FHIP1A: variants seen among roughly 807,000 people sequenced by gnomAD.
FHIP1A encodes the protein FHF complex subunit HOOK interacting protein 1A, also known as FHF complex subunit HOOK-interacting protein 1A.
FHIP1A carries 61 observed loss-of-function variants against 88.6 expected under a neutral mutation model. The ratio of observed to expected loss-of-function variants is 0.69; its 90% CI spans 0.56 to 0.85. The LOEUF (loss-of-function observed/expected upper bound fraction) is 0.85. Among genes scored for constraint, FHIP1A ranks in the 40% least tolerant of loss-of-function variants. The probability of loss-of-function intolerance (pLI) is 0.00; values close to 1 mark genes in which losing one functional copy is unlikely to be tolerated. For missense variants in FHIP1A, 1,154 were observed against 1,273.5 expected (o/e 0.91, Z 1.43); for synonymous variants, 478 against 496.0 (o/e 0.96, Z 0.48).
At chr4:151,437,210 C>T (rs951787450) in intron 1 of FHIP1A, among the ~76,000 whole-genome samples, 4 of 151,704 alleles carry the variant, frequency 2.6e-5, no homozygotes, top group Non-Finnish European at 5.9e-5. Flanking sequence ...ATTAGTAAGC[C>T]ATTCAAAACC....
chr4:151,424,194 A>G (rs1733282143), intron 1 of FHIP1A, among the ~76,000 whole-genome samples: 1 of 152,186 alleles, frequency 6.6e-6, no homozygotes, highest in South Asian at 2.1e-4. Context: ...AATCCCCGGA[A>G]TGGTTCTGGT....
rs541689342 is a variant in FHIP1A, at chr4:151,630,117, C to T, written c.1146+248C>T. Among the ~76,000 whole-genome samples the T allele has an allele frequency of 1.4e-3, 212 of 152,166 alleles. 1 individual carries two copies. The highest frequency in any genetic ancestry group is 4.6e-3 in the African/African-American group (189 of 41,522). On this transcript the variant is annotated intron_variant, in intron 8 of 13. Coordinates refer to ENST00000435205, the MANE Select transcript of FHIP1A (RefSeq NM_001109977.3). ...TTACTGCCTTTCCTAGGACATCTTT[C>T]GCTATTTCTCTGTTTTAGCACTTTC...
At chr4:151,449,560 A>G (rs1728722570) in intron 1 of FHIP1A, among the ~76,000 whole-genome samples, 1 of 152,118 alleles carries the variant, frequency 6.6e-6, no homozygotes, top group Admixed American at 6.6e-5. Context: ...TCTCCTAACT[A>G]TTTTGTAATA....
At chr4:151,658,929 A>G (rs142752129) in intron 13 of FHIP1A, among the ~76,000 whole-genome samples, 41 of 152,284 alleles carry the variant, frequency 2.7e-4, no homozygotes, top group African/African-American at 9.6e-4. Flanking sequence ...CAAGGAGATG[A>G]GTGTACACAC....
At chr4:151,660,286 TGAAGA>T (rs1737406801) in intron 13 of FHIP1A, among the ~76,000 whole-genome samples, 1 of 152,234 alleles carries the variant, frequency 6.6e-6, no homozygotes, top group African/African-American at 2.4e-5. Context: ...CCTTCATTAG[TGAAGA>T]CAGTTCTGAT....
chr4:151,447,673 A>G (rs1277321279), intron 1 of FHIP1A, among the ~76,000 whole-genome samples: 2 of 152,182 alleles, frequency 1.3e-5, no homozygotes, highest in Admixed American at 6.5e-5. Flanking sequence ...ATGTGATTGT[A>G]TTTGAAAATG....
intron 3 of FHIP1A, chr4:151,532,967 C>G (rs901571273): frequency 6.6e-6 from 1 of 152,236 alleles, no homozygotes; most frequent in Non-Finnish European, 1.5e-5. Context: ...TCCCACAACA[C>G]GTGGGAATTC....
chr4:151,438,031 G>A (rs1728265172), intron 1 of FHIP1A, among the ~76,000 whole-genome samples: 1 of 151,900 alleles, frequency 6.6e-6, no homozygotes, highest in Non-Finnish European at 1.5e-5. Context: ...GAAAACCCTG[G>A]GACTGTATTG....
chr4:151,453,341 T>G (rs186947041), intron 1 of FHIP1A, among the ~76,000 whole-genome samples: 51 of 152,270 alleles, frequency 3.3e-4, no homozygotes, highest in Admixed American at 2.4e-3. Context: ...TCATTTGCTA[T>G]TATGATATAA....
At chr4:151,558,425 A>G (rs1560767837) in intron 3 of FHIP1A, among the ~76,000 whole-genome samples, 1 of 151,990 alleles carries the variant, frequency 6.6e-6, no homozygotes, top group Non-Finnish European at 1.5e-5. Flanking sequence ...ATTCCCAGCT[A>G]CTCGGAGGCT....
At chr4:151,553,601 AGACTT>A (rs1424748338) in intron 3 of FHIP1A, among the ~76,000 whole-genome samples, 1 of 152,210 alleles carries the variant, frequency 6.6e-6, no homozygotes, top group African/African-American at 2.4e-5. Context: ...TTGTATAGCT[AGACTT>A]GACTTAACCA....
At chr4:151,421,781 A>G (rs995325195) in intron 1 of FHIP1A, among the ~76,000 whole-genome samples, 8 of 152,038 alleles carry the variant, frequency 5.3e-5, no homozygotes, top group Non-Finnish European at 8.8e-5. Flanking sequence ...CCTTCAAGCC[A>G]TACAACTATC....
rs1442551033 is a variant in FHIP1A, at chr4:151,664,087, C to T, written c.*1333C>T. On this transcript the variant is annotated 3_prime_UTR_variant, in exon 14 of 14. Coordinates refer to ENST00000435205, the MANE Select transcript of FHIP1A (RefSeq NM_001109977.3). ...TTTATGGATATTAAATTCCACTCCC[C>T]TCTATTTTGGGCCCAGTTCTGCAGG... Among the ~76,000 whole-genome samples the T allele has an allele frequency of 1.3e-5, 2 of 152,110 alleles. No homozygotes were observed. Among genetic ancestry groups the T allele is most frequent in the African/African-American group, 2.4e-5 (1 of 41,418 alleles).
At chr4:151,619,401 C>G (rs1735654813) in intron 7 of FHIP1A, among the ~76,000 whole-genome samples, 2 of 152,154 alleles carry the variant, frequency 1.3e-5, no homozygotes, top group African/African-American at 4.8e-5. Flanking sequence ...TGAGTTGTTG[C>G]ATGAGTAAGT....
At chr4:151,584,082 G>C (rs11939356) in intron 5 of FHIP1A, among the ~76,000 whole-genome samples, 39,653 of 151,958 alleles carry the variant, frequency 0.26, 5,817 homozygotes, top group Non-Finnish European at 0.33. Flanking sequence ...ACAGAGAAAT[G>C]TATATTATTT....
chr4:151,629,906 A>C, intron 8 of FHIP1A, 37 bp downstream of exon 8: 3 of 1,507,272 alleles, frequency 2.0e-6, no homozygotes, highest in South Asian at 1.2e-5. Flanking sequence ...CTTACAACTC[A>C]GAACAGATTT....
rs1175478473 is a variant in FHIP1A, at chr4:151,586,662, G to T, written c.754G>T (p.Gly252Cys). The change falls in exon 6 of 14, where the codon GGT becomes TGT. Residue 252 changes from glycine to cysteine, a missense_variant. Gly to Cys is a radical substitution (Grantham distance 159, BLOSUM62 -3). Transcript: ENST00000435205. The part of the protein sequence containing the change: ...FCPVLATGLS[G>C]LYSSLPTKLE... ...ACAGGTACTTGCAACTGGGCTCAGT[G>T]GTCTCTACTCTTCCCTGCCTACAAA... is the stretch of plus-strand genomic sequence containing the variant. The T allele has an allele frequency of 1.9e-6, 3 of 1,549,792 alleles. No individual in the cohort carries two copies. Among genetic ancestry groups the T allele is most frequent in the African/African-American group, 2.7e-5 (2 of 72,982 alleles).
chr4:151,572,562 A>G (rs182205008), intron 4 of FHIP1A, among the ~76,000 whole-genome samples: 1 of 152,366 alleles, frequency 6.6e-6, no homozygotes, highest in African/African-American at 2.4e-5. Context: ...TAAGTAATGA[A>G]CAAGGACTGT....
chr4:151,650,701 A>G, intron 11 of FHIP1A, 109 bp downstream of exon 11: 1 of 1,359,054 alleles, frequency 7.4e-7, no homozygotes. Context: ...TTTGTCTAAC[A>G]GAGGGCTGCA....
Sources: gnomAD v4.1 joint callset for allele counts (sites outside exome capture counted in the v4.1 genomes callset) on GRCh38, gnomAD v4.1.1 for gene constraint, MANE v1.5 for transcripts, NCBI Gene and HGNC (gene_info 2026-07-23, HGNC 2026-07-21) for gene names.